MYLK4: variants seen among roughly 807,000 people sequenced by gnomAD.
The protein encoded by MYLK4 is myosin light chain kinase family member 4.
In MYLK4, 46 loss-of-function variants were observed where a neutral mutation model predicts 48.1. The observed-to-expected ratio is 0.96, with a 90% CI of 0.75 to 1.22. The LOEUF (loss-of-function observed/expected upper bound fraction) is 1.22. Ranked by LOEUF, MYLK4 falls within the 50% of genes most tolerant of loss-of-function variation. The pLI, the probability that MYLK4 is intolerant of heterozygous loss-of-function variation, is 0.00. For synonymous variants in MYLK4, 170 were observed against 180.8 expected (o/e 0.94, Z 0.48); for missense variants, 451 against 486.1 (o/e 0.93, Z 0.68).
At chr6:2,737,328 T>A (rs1244776794) in intron 2 of MYLK4, among the ~76,000 whole-genome samples, 1 of 152,144 alleles carries the variant, frequency 6.6e-6, no homozygotes, top group Non-Finnish European at 1.5e-5. Context: ...TAACAAAAAA[T>A]AACAATAAAA....
chr6:2,692,835 C>A lies in MYLK4; in HGVS notation c.184G>T (p.Asp62Tyr). 1 of 1,613,600 alleles carries A rather than the reference C, an allele frequency of 6.2e-7. No homozygotes were observed. The highest frequency in any genetic ancestry group is 8.5e-7 in the Non-Finnish European group (1 of 1,179,816). The change falls in exon 3 of 13, where the codon GAC becomes TAC. Residue 62 changes from aspartate (D) to tyrosine (Y), a missense_variant. Coordinates refer to ENST00000274643, the MANE Select transcript of MYLK4 (RefSeq NM_001012418.5). ...NEAKEVWSNA[D>Y]LTERMPVKSK... ...TTGACGGGCATCCTTTCCGTCAGGT[C>A]GGCGTTTGACCACACCTCCTTCGCC...
At chr6:2,688,348 C>G (rs563713609) in intron 4 of MYLK4, among the ~76,000 whole-genome samples, 1 of 152,328 alleles carries the variant, frequency 6.6e-6, no homozygotes, top group African/African-American at 2.4e-5. Context: ...CGTGAGCCAC[C>G]GCGCAAGGCC....
At chr6:2,768,266 C>A in the MYLK4 span, among the ~76,000 whole-genome samples, 105 of 152,294 alleles carry the variant, frequency 6.9e-4, no homozygotes, top group African/African-American at 2.0e-3. Context: ...CCAGTTCGGG[C>A]TGTGGTTCTG....
At chr6:2,763,597 C>CG in the MYLK4 span, among the ~76,000 whole-genome samples, 1 of 152,238 alleles carries the variant, frequency 6.6e-6, no homozygotes, top group Non-Finnish European at 1.5e-5. Flanking sequence ...ACCCGGAACT[C>CG]GCGCTGGCCC....
chr6:2,766,225 G>A, the MYLK4 span: 7 of 1,471,552 alleles, frequency 4.8e-6, no homozygotes, highest in African/African-American at 1.4e-5. Context: ...CCGCCTTCGG[G>A]GCCAGTGGCG....
chr6:2,679,137 AC>A, intron 9 of MYLK4, 142 bp downstream of exon 9: 1 of 986,354 alleles, frequency 1.0e-6, no homozygotes, highest in Non-Finnish European at 1.6e-6. Flanking sequence ...ACAGGAGTCA[AC>A]AAAACCTAGA....
At chr6:2,735,573 T>G (rs1485567358) in intron 2 of MYLK4, among the ~76,000 whole-genome samples, 1 of 152,200 alleles carries the variant, frequency 6.6e-6, no homozygotes, top group Non-Finnish European at 1.5e-5. Context: ...TGGACATGTC[T>G]CATGTGAAGG....
rs2086384044 is a variant in MYLK4 at position 2,663,966 on chromosome 6, A to G, written c.*3959T>C. 2 of 152,232 alleles carry G rather than the reference A, an allele frequency of 1.3e-5. No homozygotes were observed. Among genetic ancestry groups the G allele is most frequent in the Admixed American group, 6.5e-5 (1 of 15,288 alleles). The allele number at this position is 152,232 out of a possible 1,614,324, so 9.4% of individuals were successfully genotyped here. A position where few individuals can be genotyped will look rare whatever the true frequency, so the allele number is the denominator to read the frequency against. On this transcript the variant is annotated 3_prime_UTR_variant, in exon 13 of 13. Transcript: ENST00000274643. ...GCCTTCATGGAAGGTGAAACTGCCCATAGAAAGACCACTTATACAAAGCAC... is the reference window on the plus strand; with the variant it reads ...GCCTTCATGGAAGGTGAAACTGCCCGTAGAAAGACCACTTATACAAAGCAC...
chr6:2,699,394 C>T lies in MYLK4; in HGVS notation c.160-6535G>A, dbSNP rs189720133. Reference sequence around the variant, plus strand: ...GCAACCTCCATCTCCCGAGTTCAAGCAATTCTCTGCCTCAGCTTCTCCAGT... The same window carrying T: ...GCAACCTCCATCTCCCGAGTTCAAGTAATTCTCTGCCTCAGCTTCTCCAGT... On this transcript the variant is annotated intron_variant, in intron 2 of 12. Transcript: ENST00000274643. Among the ~76,000 whole-genome samples the T allele has an allele frequency of 2.8e-5, 4 of 141,548 alleles. No homozygotes were observed. The East Asian group carries it at 8.8e-4, about 31-fold the overall frequency. The allele number at this position is 141,548 out of a possible 152,430, so 92.9% of individuals were successfully genotyped here.
chr6:2,694,608 A>ATTGTAGTGGTGATGGCGG (rs879428335), intron 2 of MYLK4, among the ~76,000 whole-genome samples: 1 of 34,634 alleles, frequency 2.9e-5, no homozygotes, highest in Non-Finnish European at 4.8e-5. Context: ...GGTGGTGATG[A>ATTGTAGTGGTGATGGCGG]TTGTAGTGGT....
intron 2 of MYLK4, among the ~76,000 whole-genome samples, chr6:2,724,320 G>A (rs1561867002): frequency 6.6e-6 from 1 of 152,168 alleles, no homozygotes; most frequent in Non-Finnish European, 1.5e-5. Context: ...CTGCTCCTGA[G>A]GTTCCAAAAA....
chr6:2,689,177 G>A (rs1364121509), intron 3 of MYLK4, among the ~76,000 whole-genome samples: 2 of 152,148 alleles, frequency 1.3e-5, no homozygotes. Context: ...TGTCAGGGCG[G>A]CTCAATGGTT....
rs1760676279 is a variant in MYLK4, at chr6:2,666,869, G to T, written c.*1056C>A. ...GTCCAGCAGGTGAGCTTGCAGAGTT[G>T]CCCCCACCTCTGGTGTCCGATTGAG... On this transcript the variant is annotated 3_prime_UTR_variant, in exon 13 of 13. Coordinates refer to ENST00000274643, the MANE Select transcript of MYLK4 (RefSeq NM_001012418.5). The T allele has an allele frequency of 6.6e-6, 1 of 152,324 alleles. No homozygotes were observed. The allele number at this position is 152,324 out of a possible 1,614,324, so 9.4% of individuals were successfully genotyped here.
At chr6:2,668,834 C>T (rs1394226643) in intron 12 of MYLK4, among the ~76,000 whole-genome samples, 1 of 152,046 alleles carries the variant, frequency 6.6e-6, no homozygotes, top group Non-Finnish European at 1.5e-5. Flanking sequence ...CTTTGGGAGG[C>T]AGAGGCAGGA....
At chr6:2,767,847 T>C in the MYLK4 span, among the ~76,000 whole-genome samples, 1 of 152,182 alleles carries the variant, frequency 6.6e-6, no homozygotes, top group African/African-American at 2.4e-5. Context: ...CCTAGGCATC[T>C]GTGACTTGCG....
intron 2 of MYLK4, among the ~76,000 whole-genome samples, chr6:2,740,000 A>G (rs1212039762): frequency 6.6e-6 from 1 of 152,200 alleles, no homozygotes; most frequent in African/African-American, 2.4e-5. Flanking sequence ...GACCCCAGTG[A>G]TTCAGCTTGA....
intron 1 of MYLK4, among the ~76,000 whole-genome samples, chr6:2,750,217 C>G (rs184908265): frequency 1.3e-5 from 2 of 152,276 alleles, no homozygotes; most frequent in East Asian, 3.9e-4. Flanking sequence ...CGAGCATTTT[C>G]TCCGCTTAAA....
At chr6:2,744,837 A>G (rs567000183) in intron 2 of MYLK4, among the ~76,000 whole-genome samples, 1 of 152,350 alleles carries the variant, frequency 6.6e-6, no homozygotes, top group African/African-American at 2.4e-5. Context: ...ATTATTCCCT[A>G]TGAAGGAAGG....
chr6:2,725,655 GAGAA>G (rs66522521), intron 2 of MYLK4, among the ~76,000 whole-genome samples: 46,214 of 149,676 alleles, frequency 0.31, 7,352 homozygotes, highest in African/African-American at 0.36. Context: ...AAGAGAGAGA[GAGAA>G]AGAAAGAAAG....
Sources: gnomAD v4.1 joint callset for allele counts (sites outside exome capture counted in the v4.1 genomes callset) on GRCh38, gnomAD v4.1.1 for gene constraint, MANE v1.5 for transcripts, NCBI Gene and HGNC (gene_info 2026-07-23, HGNC 2026-07-21) for gene names.